AGAP1: variants seen among roughly 807,000 people sequenced by gnomAD.
AGAP1 encodes arf-GAP with GTPase, ANK repeat and PH domain-containing protein 1.
AGAP1 carries 29 observed loss-of-function variants against 105.3 expected under a neutral mutation model. The ratio of observed to expected loss-of-function variants is 0.28; its 90% CI spans 0.21 to 0.38. The LOEUF (loss-of-function observed/expected upper bound fraction) is 0.38, where lower values mean the gene tolerates loss of function less well. Ranked by LOEUF, AGAP1 falls within the 10% of genes least tolerant of loss-of-function variation. The pLI is 1.00. For missense variants in AGAP1, 998 were observed against 1,165.1 expected (o/e 0.86, Z 2.09); for synonymous variants, 509 against 485.9 (o/e 1.05, Z -0.63).
intron 1 of AGAP1, among the ~76,000 whole-genome samples, chr2:235,516,055 T>TCTGCTGCTGCTGCTGCTGCTG (rs112761133): frequency 1.2e-4 from 16 of 138,628 alleles, no homozygotes; most frequent in African/African-American, 3.3e-4. Context: ...CATGGGCTCC[T>TCTGCTGCTGCTGCTGCTGCTG]CTGCTGCTGC....
intron 8 of AGAP1, among the ~76,000 whole-genome samples, chr2:235,805,837 C>G (rs1424841280): frequency 1.3e-5 from 2 of 152,220 alleles, no homozygotes; most frequent in Admixed American, 6.5e-5. Flanking sequence ...TCATCTCATT[C>G]TAGGCATCCA....
In AGAP1 at chr2:235,714,830, G is replaced by A. The variant is rs1033635373; in HGVS notation, c.223-2727G>A. 2.0e-5 allele frequency among the ~76,000 whole-genome samples: 3 copies of A among 152,012 alleles called. No homozygotes were observed. The highest frequency in any genetic ancestry group is 4.8e-5 in the African/African-American group (2 of 41,376). ...TTGTTTTGTTTTGAGACAGAGTCTC[G>A]CTCTGTCACCCAGGCTGGAGTCCAG... On this transcript the variant is annotated intron_variant, in intron 2 of 17. Transcript: ENST00000304032. This position sits in a 1 kb window ranked among gnomAD's most constrained non-coding sequence, Gnocchi z 4.1.
intron 11 of AGAP1, among the ~76,000 whole-genome samples, chr2:235,911,376 A>G (rs6431405): frequency 0.78 from 117,962 of 151,618 alleles, 45,982 homozygotes; most frequent in East Asian, 0.98. Context: ...CCCAGGAGGT[A>G]GGCCAGGCTT....
At chr2:235,686,665 A>ATTTTTTTT (rs1200927776) in intron 1 of AGAP1, among the ~76,000 whole-genome samples, 6 of 77,494 alleles carry the variant, frequency 7.7e-5, no homozygotes, top group East Asian at 9.0e-4. Context: ...ATATATATAT[A>ATTTTTTTT]TTTTTTTTTT....
In AGAP1 at chr2:236,055,637, C is replaced by G. The variant is rs1370533924; in HGVS notation, c.2114+6356C>G. 6.6e-6 allele frequency among the ~76,000 whole-genome samples: 1 copy of G among 152,274 alleles called. No individual in the cohort carries two copies. Among genetic ancestry groups the G allele is most frequent in the African/African-American group, 2.4e-5 (1 of 41,478 alleles). On this transcript the variant is annotated intron_variant, in intron 16 of 17. Coordinates refer to ENST00000304032, the MANE Select transcript of AGAP1 (RefSeq NM_001037131.3). This position sits in a 1 kb window ranked among gnomAD's most constrained non-coding sequence, Gnocchi z 6.2. ...GTCCAGGCAGGGACTGTGCCCTGCT[C>G]AAGCCACGACAGTGGCAGCCTTCTC...
At chr2:235,806,201 A>G (rs1440652257) in intron 8 of AGAP1, among the ~76,000 whole-genome samples, 1 of 152,176 alleles carries the variant, frequency 6.6e-6, no homozygotes, top group Admixed American at 6.5e-5. Flanking sequence ...AGTGGACACC[A>G]CAAAGTCTGT....
intron 10 of AGAP1, among the ~76,000 whole-genome samples, chr2:235,884,281 T>C (rs2050164227): frequency 6.6e-6 from 1 of 152,180 alleles, no homozygotes; most frequent in Admixed American, 6.5e-5. Context: ...GTCCCTTATA[T>C]TAAATGGCAT....
intron 1 of AGAP1, among the ~76,000 whole-genome samples, chr2:235,681,843 CTTTTTTTTT>C (rs56934868): frequency 7.7e-5 from 6 of 78,300 alleles, no homozygotes; most frequent in Admixed American, 1.7e-4. Context: ...ATTTAGTTTG[CTTTTTTTTT>C]TTTTTTTTTT....
chr2:235,638,278 C>T (rs922033701), intron 1 of AGAP1, among the ~76,000 whole-genome samples: 9 of 152,220 alleles, frequency 5.9e-5, no homozygotes, highest in African/African-American at 2.2e-4. Flanking sequence ...GATCAGATTA[C>T]CCTGAGATGT....
chr2:235,895,582 G>C (rs984979074), intron 10 of AGAP1, among the ~76,000 whole-genome samples: 5 of 152,264 alleles, frequency 3.3e-5, no homozygotes, highest in African/African-American at 1.2e-4. Context: ...CATGCTGTGT[G>C]TGCTCTCACG....
chr2:235,922,114 A>G (rs988097393), intron 11 of AGAP1, among the ~76,000 whole-genome samples: 1 of 152,194 alleles, frequency 6.6e-6, no homozygotes, highest in Admixed American at 6.5e-5. Flanking sequence ...GGCGTGGTGC[A>G]GCTGTAGGGT....
Position 235,705,358 on chromosome 2 carries a change from G to A in AGAP1, c.164-3821G>A, listed in dbSNP as rs558445633. Reference sequence around the variant, plus strand: ...CAGGAACACAGGTGTGCACACATCCGGATGTGCATCCACACACTCATGCGC... The same window carrying A: ...CAGGAACACAGGTGTGCACACATCCAGATGTGCATCCACACACTCATGCGC... On this transcript the variant is annotated intron_variant, in intron 1 of 17. Transcript: ENST00000304032. This position sits in a 1 kb window ranked among gnomAD's most constrained non-coding sequence, Gnocchi z 4.9. Among the ~76,000 whole-genome samples the A allele has an allele frequency of 9.9e-5, 15 of 152,248 alleles. No homozygotes were observed. The highest frequency in any genetic ancestry group is 3.9e-4 in the East Asian group (2 of 5,162).
At chr2:235,673,581 G>T (rs112287952) in intron 1 of AGAP1, among the ~76,000 whole-genome samples, 1,654 of 152,266 alleles carry the variant, frequency 0.011, 19 homozygotes, top group Non-Finnish European at 0.018. Context: ...AAATAGCCTC[G>T]TGCCAGTTAG....
At chr2:235,629,477 C>T (rs1946754045) in intron 1 of AGAP1, among the ~76,000 whole-genome samples, 1 of 152,000 alleles carries the variant, frequency 6.6e-6, no homozygotes, top group Non-Finnish European at 1.5e-5. Flanking sequence ...AAAAGGAGAA[C>T]AGGACAGAGA....
intron 1 of AGAP1, among the ~76,000 whole-genome samples, chr2:235,573,455 C>T (rs1185188731): frequency 6.6e-6 from 1 of 152,102 alleles, no homozygotes; most frequent in Admixed American, 6.5e-5. Context: ...TTCATTGAGA[C>T]TTACCAAAAC....
In AGAP1 at chr2:236,128,084, C is replaced by CG. The variant is rs533374349; in HGVS notation, c.*3962_*3963insG. On this transcript the variant is annotated 3_prime_UTR_variant, in exon 18 of 18. Coordinates refer to ENST00000304032, the MANE Select transcript of AGAP1 (RefSeq NM_001037131.3). The surrounding 1 kb of genome is among the most constrained non-coding windows in gnomAD (Gnocchi z 5.9). ...ATGGGCACGTTTGCCAACCCCCCCC[C>CG]CCCAGTAGAGCCCAGGACCCTCCTC... The CG allele has an allele frequency of 1.3e-5, 2 of 151,728 alleles. No individual in the cohort carries two copies. The highest frequency in any genetic ancestry group is 1.9e-4 in the East Asian group (1 of 5,162). The allele number at this position is 151,728 out of a possible 1,614,324, so 9.4% of individuals were successfully genotyped here. A position where few individuals can be genotyped will look rare whatever the true frequency, so the allele number is the denominator to read the frequency against.
In AGAP1 at chr2:235,582,864, G is replaced by A. The variant is rs1944979617; in HGVS notation, c.163+88015G>A. 6.6e-6 allele frequency among the ~76,000 whole-genome samples: 1 copy of A among 152,234 alleles called. No homozygotes were observed. The highest frequency in any genetic ancestry group is 1.5e-5 in the Non-Finnish European group (1 of 68,044). ...TAGCACTGACCGACTCCAGGAGGCA[G>A]CACTGGCAAGGATTTTGGTGAGCCT... On this transcript the variant is annotated intron_variant, in intron 1 of 17. Transcript: ENST00000304032. The surrounding 1 kb of genome is among the most constrained non-coding windows in gnomAD (Gnocchi z 4.7).
At chr2:235,986,866 C>CT (rs536319049) in intron 13 of AGAP1, among the ~76,000 whole-genome samples, 2 of 152,116 alleles carry the variant, frequency 1.3e-5, no homozygotes, top group Non-Finnish European at 2.9e-5. Context: ...CTGCTGGACT[C>CT]TTTTTGCCAG....
rs1244091241 is a variant in AGAP1 at position 235,596,682 on chromosome 2, TAGAAG to T, written c.163+101838_163+101842del. On this transcript the variant is annotated intron_variant, in intron 1 of 17. Transcript: ENST00000304032. This position sits in a 1 kb window ranked among gnomAD's most constrained non-coding sequence, Gnocchi z 5.9. Reference sequence around the variant, plus strand: ...ATTTTTAGAATAATAGACTTTTAGATAGAAGAGAAACCTCGGAGGTCAATCAGCTT... The same window carrying T: ...ATTTTTAGAATAATAGACTTTTAGATAGAAACCTCGGAGGTCAATCAGCTT... Among the ~76,000 whole-genome samples the T allele has an allele frequency of 6.6e-6, 1 of 152,200 alleles. No homozygotes were observed. The highest frequency in any genetic ancestry group is 2.4e-5 in the African/African-American group (1 of 41,456).
Sources: gnomAD v4.1 joint callset for allele counts (sites outside exome capture counted in the v4.1 genomes callset) on GRCh38, gnomAD v4.1.1 for gene constraint, Gnocchi (gnomAD v3.1) non-coding constraint, MANE v1.5 for transcripts, NCBI Gene and HGNC (gene_info 2026-07-23, HGNC 2026-07-21) for gene names.